The following DGKB variants were observed in gnomAD, a reference collection of about 807,000 sequenced individuals.
DGKB encodes the protein 90 kDa diacylglycerol kinase.
DGKB carries 67 observed loss-of-function variants against 114.3 expected under a neutral mutation model. The observed-to-expected ratio is 0.59, with a 90% CI of 0.48 to 0.72. The LOEUF is 0.72. Among genes scored for constraint, DGKB ranks in the 30% least tolerant of loss-of-function variants. The probability of loss-of-function intolerance (pLI) is 0.00; values close to 1 mark genes in which losing one functional copy is unlikely to be tolerated. For synonymous variants in DGKB, 398 were observed against 323.1 expected (o/e 1.23, Z -2.49); for missense variants, 907 against 975.2 (o/e 0.93, Z 0.93).
chr7:14,222,118 T>G (rs1304634443), intron 23 of DGKB, among the ~76,000 whole-genome samples: 2 of 151,074 alleles, frequency 1.3e-5, no homozygotes, highest in Admixed American at 6.6e-5. Flanking sequence ...TTCACTGACT[T>G]TTTATATTTT....
At chr7:14,680,645 T>C (rs544653191) in intron 12 of DGKB, among the ~76,000 whole-genome samples, 2 of 152,116 alleles carry the variant, frequency 1.3e-5, no homozygotes, top group Non-Finnish European at 2.9e-5. Flanking sequence ...GGAAGAATTT[T>C]AAGATGCTTT....
intron 23 of DGKB, among the ~76,000 whole-genome samples, chr7:14,190,079 C>T (rs2128269514): frequency 6.6e-6 from 1 of 152,212 alleles, no homozygotes; most frequent in South Asian, 2.1e-4. Flanking sequence ...ACATTTCATC[C>T]AACAGCTTTA....
At chr7:14,735,035 G>A (rs1227423176) in intron 5 of DGKB, among the ~76,000 whole-genome samples, 4 of 152,162 alleles carry the variant, frequency 2.6e-5, no homozygotes, top group African/African-American at 4.8e-5. Flanking sequence ...GTTTCAGCCC[G>A]GTGGCGGTAG....
intron 1 of DGKB, among the ~76,000 whole-genome samples, chr7:14,912,768 GCTCCATTTCTCTT>G (rs1015566933): frequency 8.5e-5 from 13 of 152,096 alleles, no homozygotes; most frequent in African/African-American, 3.1e-4. Flanking sequence ...GTGGCTCCAG[GCTCCATTTCTCTT>G]GTAGGGTGCA....
At chr7:14,273,685 G>T (rs967029254) in intron 23 of DGKB, among the ~76,000 whole-genome samples, 2 of 152,180 alleles carry the variant, frequency 1.3e-5, no homozygotes, top group Admixed American at 1.3e-4. Context: ...ACAAATACTG[G>T]CTGTATCTCC....
chr7:14,268,130 C>A (rs1169298199), intron 23 of DGKB, among the ~76,000 whole-genome samples: 1 of 151,970 alleles, frequency 6.6e-6, no homozygotes, highest in Non-Finnish European at 1.5e-5. Context: ...CTGATCTAAC[C>A]ACTATATAGA....
chr7:14,197,053 C>G (rs1275369934), intron 23 of DGKB, among the ~76,000 whole-genome samples: 1 of 151,998 alleles, frequency 6.6e-6, no homozygotes, highest in Non-Finnish European at 1.5e-5. Context: ...GGTTCAAATG[C>G]AAACTTTCAG....
intron 13 of DGKB, among the ~76,000 whole-genome samples, chr7:14,653,435 C>A (rs887412196): frequency 2.0e-5 from 3 of 151,514 alleles, no homozygotes; most frequent in Non-Finnish European, 4.4e-5. Context: ...TATTCTCACT[C>A]ATAGGTGGGA....
intron 10 of DGKB, among the ~76,000 whole-genome samples, 157 bp downstream of exon 10, chr7:14,685,088 C>T (rs1309335252): frequency 6.6e-6 from 1 of 152,004 alleles, no homozygotes; most frequent in African/African-American, 2.4e-5. Context: ...TTAGAGTAAC[C>T]TAAATATTCA....
chr7:14,164,939 G>A (rs923652084), intron 25 of DGKB, among the ~76,000 whole-genome samples: 4 of 152,098 alleles, frequency 2.6e-5, no homozygotes, highest in East Asian at 1.9e-4. Context: ...TTTGTGACTC[G>A]TAGGTAGCAG....
At chr7:14,366,080 C>G (rs1583434913) in intron 21 of DGKB, among the ~76,000 whole-genome samples, 2 of 151,982 alleles carry the variant, frequency 1.3e-5, no homozygotes, top group African/African-American at 4.8e-5. Flanking sequence ...GTTGTATTTG[C>G]AAACTGAGAA....
intron 21 of DGKB, among the ~76,000 whole-genome samples, chr7:14,430,951 T>C (rs1159553491): frequency 1.3e-5 from 2 of 152,190 alleles, no homozygotes; most frequent in Non-Finnish European, 2.9e-5. Context: ...CATATCTACC[T>C]AGAAGAGCCT....
At chr7:14,298,399 C>T (rs1474113022) in intron 23 of DGKB, among the ~76,000 whole-genome samples, 1 of 152,086 alleles carries the variant, frequency 6.6e-6, no homozygotes, top group Non-Finnish European at 1.5e-5. Context: ...AGAAATAACA[C>T]CACATATCTA....
chr7:14,688,054 A>T (rs1822030846), intron 9 of DGKB, among the ~76,000 whole-genome samples: 1 of 152,192 alleles, frequency 6.6e-6, no homozygotes. Context: ...AAGAAATTGA[A>T]ACCAGGAGCC....
intron 23 of DGKB, among the ~76,000 whole-genome samples, chr7:14,204,908 C>G (rs1786504776): frequency 1.3e-5 from 2 of 151,982 alleles, no homozygotes; most frequent in Admixed American, 1.3e-4. Flanking sequence ...TTTGGAAACA[C>G]TTTAAGCACT....
intron 20 of DGKB, among the ~76,000 whole-genome samples, chr7:14,567,520 T>C (rs1408144029): frequency 1.0e-5 from 1 of 97,416 alleles, no homozygotes; most frequent in African/African-American, 4.0e-5. Context: ...TATATATTTA[T>C]ATATTATAAT....
intron 17 of DGKB, among the ~76,000 whole-genome samples, chr7:14,601,568 A>G (rs1245717817): frequency 6.6e-6 from 1 of 152,158 alleles, no homozygotes; most frequent in Admixed American, 6.5e-5. Context: ...TTGATGACAA[A>G]TTCTGTCACT....
At chr7:14,939,726 GCCTCAGACT>G (rs1422421931) in intron 1 of DGKB, among the ~76,000 whole-genome samples, 1 of 127,650 alleles carries the variant, frequency 7.8e-6, no homozygotes, top group Non-Finnish European at 1.5e-5. Flanking sequence ...CCATTCTCCT[GCCTCAGACT>G]CCTGAGTAAC....
intron 20 of DGKB, among the ~76,000 whole-genome samples, chr7:14,547,797 A>G (rs1341483483): frequency 6.6e-6 from 1 of 152,174 alleles, no homozygotes; most frequent in Non-Finnish European, 1.5e-5. Context: ...GAGAAAGTTC[A>G]TGTCCTAGAA....
Sources: gnomAD v4.1 joint callset for allele counts (sites outside exome capture counted in the v4.1 genomes callset) on GRCh38, gnomAD v4.1.1 for gene constraint, MANE v1.5 for transcripts, NCBI Gene and HGNC (gene_info 2026-07-23, HGNC 2026-07-21) for gene names.